The following CEP112 variants were observed in gnomAD, a reference collection of about 807,000 sequenced individuals.
CEP112 encodes centrosomal protein 112, also known as centrosomal protein of 112 kDa.
A neutral mutation model predicts 153.0 loss-of-function variants in CEP112; 127 were observed. The ratio of observed to expected loss-of-function variants is 0.83; its 90% CI spans 0.72 to 0.96. The LOEUF (loss-of-function observed/expected upper bound fraction) is 0.96. Among genes scored for constraint, CEP112 ranks in the 40% least tolerant of loss-of-function variants. CEP112 has a pLI of 0.00. For missense variants in CEP112, 1,089 were observed against 1,101.2 expected, an observed-to-expected ratio of 0.99 and a Z score of 0.16; for synonymous variants, 358 against 374.4, an observed-to-expected ratio of 0.96 and a Z score of 0.51.
At chr17:65,773,778 G>C (rs7209787) in intron 21 of CEP112, among the ~76,000 whole-genome samples, 72,925 of 151,868 alleles carry the variant, frequency 0.48, 19,201 homozygotes, top group East Asian at 0.78. Context: ...CCTGCCTCGT[G>C]GGAAAGTATA....
At position 65,722,251 on chromosome 17, in the gene CEP112, T is replaced by C. The variant is rs542980386; in HGVS notation, c.2607+20817A>G. Among the ~76,000 whole-genome samples the C allele has an allele frequency of 3.9e-5, 6 of 152,218 alleles. No individual in the cohort carries two copies. In the South Asian group the frequency reaches 8.3e-4, roughly 21 times the overall value. Reference sequence around the variant, plus strand: ...AGGTCAATAGAGCCAATTTTCTTTCTTTCTTTCTGTTTTTTGAGATAGAGT... The same window carrying C: ...AGGTCAATAGAGCCAATTTTCTTTCCTTCTTTCTGTTTTTTGAGATAGAGT... On this transcript the variant is annotated intron_variant, in intron 23 of 26. Coordinates refer to ENST00000535342, the MANE Select transcript of CEP112 (RefSeq NM_001199165.4).
intron 12 of CEP112, among the ~76,000 whole-genome samples, chr17:66,052,284 A>G (rs1267546592): frequency 6.6e-6 from 1 of 152,180 alleles, no homozygotes; most frequent in Non-Finnish European, 1.5e-5. Context: ...GCACCAACAT[A>G]AAGTCAAAAA....
chr17:66,105,754 C>T (rs980827791), intron 6 of CEP112, among the ~76,000 whole-genome samples: 5 of 152,090 alleles, frequency 3.3e-5, no homozygotes, highest in Admixed American at 2.0e-4. Context: ...GATCATGCCA[C>T]TGCACTCCAG....
At chr17:65,730,671 A>C (rs955236745) in intron 23 of CEP112, among the ~76,000 whole-genome samples, 2 of 151,194 alleles carry the variant, frequency 1.3e-5, no homozygotes, top group Non-Finnish European at 3.0e-5. Context: ...AAACACCACA[A>C]TGAGGTTTGT....
intron 24 of CEP112, among the ~76,000 whole-genome samples, chr17:65,673,768 A>C (rs1475519578): frequency 6.6e-6 from 1 of 152,252 alleles, no homozygotes; most frequent in South Asian, 2.1e-4. Flanking sequence ...TCTTCTCAAA[A>C]AATTAAAATA....
chr17:65,649,040 G>C (rs1198506229), intron 24 of CEP112, among the ~76,000 whole-genome samples: 2 of 151,488 alleles, frequency 1.3e-5, no homozygotes, highest in African/African-American at 2.4e-5. Context: ...AACAGAGTGA[G>C]AGTCTGTCTC....
rs551676666 is a variant in CEP112 at position 65,910,643 on chromosome 17, T to G, written c.1981-8309A>C. On this transcript the variant is annotated intron_variant, in intron 19 of 26. Transcript: ENST00000535342. ...TCAGAAACAATGAGTTGAATAAACA[T>G]GGTGAAAAATCAAATCATTGACATA... is the stretch of plus-strand genomic sequence containing the variant. Among the ~76,000 whole-genome samples the G allele has an allele frequency of 2.0e-5, 3 of 152,164 alleles. No homozygotes were observed. In the South Asian group the frequency reaches 6.2e-4, roughly 32 times the overall value.
chr17:66,188,286 AACACACACACACACACACAC>A (rs59802008), intron 1 of CEP112, among the ~76,000 whole-genome samples: 3 of 109,438 alleles, frequency 2.7e-5, no homozygotes, highest in South Asian at 3.0e-4. Context: ...CACACACACA[AACACACACACACACACACAC>A]ACACACACAC....
At chr17:66,165,051 T>A (rs1336562938) in intron 4 of CEP112, among the ~76,000 whole-genome samples, 1 of 150,924 alleles carries the variant, frequency 6.6e-6, no homozygotes, top group African/African-American at 2.4e-5. Context: ...GAAATGCAAG[T>A]AAGCACAGAA....
chr17:65,689,902 T>G (rs1297987842), intron 23 of CEP112, among the ~76,000 whole-genome samples: 3 of 152,104 alleles, frequency 2.0e-5, no homozygotes, highest in Non-Finnish European at 1.5e-5. Context: ...ATGTGCTATT[T>G]CTATAATGAC....
At chr17:65,816,072 A>G (rs1348399824) in intron 21 of CEP112, among the ~76,000 whole-genome samples, 1 of 152,078 alleles carries the variant, frequency 6.6e-6, no homozygotes. Context: ...CTTGGGAAAA[A>G]ATAATATGGT....
chr17:66,170,022 G>A (rs776247880), intron 4 of CEP112, among the ~76,000 whole-genome samples: 2 of 152,136 alleles, frequency 1.3e-5, no homozygotes, highest in Admixed American at 6.5e-5. Flanking sequence ...GCAGCATTCC[G>A]TTCCTTATGG....
rs1396844381 is a variant in CEP112, at chr17:65,666,886, TGTA to T, written c.2697+22240_2697+22242del. 5.9e-5 allele frequency among the ~76,000 whole-genome samples: 9 copies of T among 152,364 alleles called. No individual in the cohort carries two copies. The East Asian group carries it at 1.7e-3, about 29-fold the overall frequency. On this transcript the variant is annotated intron_variant, in intron 24 of 26. Transcript: ENST00000535342. ...TTGGTTCCTTTGTACTCTTTCCCTC[TGTA>T]TTTCAGGTTTTATATGAATGAAACA... is the stretch of plus-strand genomic sequence containing the variant.
At chr17:65,948,333 A>G (rs1295597153) in intron 18 of CEP112, among the ~76,000 whole-genome samples, 2 of 152,192 alleles carry the variant, frequency 1.3e-5, no homozygotes, top group African/African-American at 4.8e-5. Flanking sequence ...AGCAGCAAAT[A>G]GCATTTAATA....
At chr17:66,011,582 GT>G (rs1568375801) in intron 16 of CEP112, among the ~76,000 whole-genome samples, 1 of 152,102 alleles carries the variant, frequency 6.6e-6, no homozygotes, top group Non-Finnish European at 1.5e-5. Flanking sequence ...GTCCAAGAGT[GT>G]AGCTGGTATA....
intron 23 of CEP112, among the ~76,000 whole-genome samples, chr17:65,691,982 A>G (rs1024882701): frequency 2.6e-5 from 4 of 152,208 alleles, no homozygotes; most frequent in African/African-American, 9.6e-5. Flanking sequence ...AAGGGGCTTC[A>G]TCAACTGGCT....
At chr17:66,139,077 G>T (rs950208852) in intron 4 of CEP112, among the ~76,000 whole-genome samples, 1 of 151,706 alleles carries the variant, frequency 6.6e-6, no homozygotes, top group Non-Finnish European at 1.5e-5. Context: ...ACTAAAAAAA[G>T]AACAAACTAA....
intron 12 of CEP112, 73 bp from the exon 13 acceptor site, chr17:66,030,096 G>A: frequency 3.3e-6 from 4 of 1,218,452 alleles, no homozygotes; most frequent in Non-Finnish European, 3.5e-6. Flanking sequence ...AGAAGCTTGA[G>A]GAACACGTAT....
chr17:65,943,955 C>T (rs1361816481), intron 18 of CEP112, among the ~76,000 whole-genome samples: 2 of 152,100 alleles, frequency 1.3e-5, no homozygotes, highest in Non-Finnish European at 2.9e-5. Flanking sequence ...CTTATTTCAG[C>T]AAGATCTAAA....
Sources: gnomAD v4.1 joint callset for allele counts (sites outside exome capture counted in the v4.1 genomes callset) on GRCh38, gnomAD v4.1.1 for gene constraint, MANE v1.5 for transcripts, NCBI Gene and HGNC (gene_info 2026-07-23, HGNC 2026-07-21) for gene names.